Variants in SYT1 observed in about 807,000 individuals in gnomAD.
SYT1 encodes the protein synaptotagmin-1.
In SYT1, 8 loss-of-function variants were observed where a neutral mutation model predicts 44.8. That is an observed-to-expected ratio of 0.18 (90% CI 0.10 to 0.32). The LOEUF (loss-of-function observed/expected upper bound fraction) is 0.32. Ranked by LOEUF, SYT1 falls within the 10% of genes least tolerant of loss-of-function variation. The pLI is 1.00. For synonymous variants in SYT1, 154 were observed against 188.8 expected, an observed-to-expected ratio of 0.82 and a Z score of 1.51; for missense variants, 286 against 509.3, an observed-to-expected ratio of 0.56 and a Z score of 4.22.
chr12:79,305,625 A>G (rs748526478), intron 8 of SYT1, among the ~76,000 whole-genome samples: 1 of 152,186 alleles, frequency 6.6e-6, no homozygotes, highest in Admixed American at 6.6e-5. Context: ...GAGACCCAGG[A>G]AAGTTTAAGT....
intron 2 of SYT1, among the ~76,000 whole-genome samples, chr12:78,991,831 G>A (rs1169657784): frequency 6.6e-6 from 1 of 152,038 alleles, no homozygotes; most frequent in Admixed American, 6.6e-5. Context: ...TACTCTTTTT[G>A]TGGATAAGTA....
intron 9 of SYT1, among the ~76,000 whole-genome samples, chr12:79,381,730 A>G (rs1884231894): frequency 6.6e-6 from 1 of 152,206 alleles, no homozygotes; most frequent in Admixed American, 6.5e-5. Context: ...ATTGCGTGGA[A>G]GCAAGCTGAT....
intron 2 of SYT1, among the ~76,000 whole-genome samples, chr12:79,021,107 A>C (rs1382335795): frequency 6.6e-6 from 1 of 151,914 alleles, no homozygotes; most frequent in African/African-American, 2.4e-5. Flanking sequence ...AAGAAAACCA[A>C]ACTGAAGCAA....
At chr12:78,958,669 T>C (rs1879342601) in intron 1 of SYT1, among the ~76,000 whole-genome samples, 1 of 151,390 alleles carries the variant, frequency 6.6e-6, no homozygotes, top group Admixed American at 6.6e-5. Flanking sequence ...CACTCCAGCC[T>C]GGGTGACAAA....
At chr12:79,124,579 TATCATC>T (rs374558194) in intron 3 of SYT1, among the ~76,000 whole-genome samples, 2 of 151,140 alleles carry the variant, frequency 1.3e-5, no homozygotes, top group African/African-American at 2.4e-5. Flanking sequence ...CCATCACCAT[TATCATC>T]ATCATCATCA....
intron 8 of SYT1, among the ~76,000 whole-genome samples, chr12:79,317,570 A>C (rs1881153472): frequency 6.6e-6 from 1 of 152,186 alleles, no homozygotes; most frequent in Non-Finnish European, 1.5e-5. Flanking sequence ...AACCCGGGGC[A>C]CACAAACCCA....
chr12:79,105,603 G>A (rs931625177), intron 3 of SYT1, among the ~76,000 whole-genome samples: 3 of 152,180 alleles, frequency 2.0e-5, no homozygotes, highest in Non-Finnish European at 4.4e-5. Context: ...CAGTTTGGCC[G>A]GGCGTGGTGG....
intron 2 of SYT1, among the ~76,000 whole-genome samples, chr12:79,040,176 C>T (rs1216916729): frequency 7.9e-5 from 12 of 151,582 alleles, no homozygotes; most frequent in East Asian, 2.0e-4. Context: ...TTTCTAGTTC[C>T]AGATCCCTGA....
At chr12:79,189,412 A>G (rs1872984358) in intron 3 of SYT1, among the ~76,000 whole-genome samples, 1 of 152,190 alleles carries the variant, frequency 6.6e-6, no homozygotes, top group Non-Finnish European at 1.5e-5. Flanking sequence ...ATTCAGAGGT[A>G]TGTTCAAGTC....
intron 8 of SYT1, among the ~76,000 whole-genome samples, chr12:79,299,995 A>G (rs549654003): frequency 1.3e-5 from 2 of 152,294 alleles, no homozygotes; most frequent in African/African-American, 4.8e-5. Flanking sequence ...TGCATATCAC[A>G]GACAGTTCAT....
intron 3 of SYT1, among the ~76,000 whole-genome samples, chr12:79,108,060 A>G (rs1311410920): frequency 2.0e-5 from 3 of 152,036 alleles, no homozygotes; most frequent in Non-Finnish European, 4.4e-5. Context: ...TGGAACAATC[A>G]AAGTAGAAAG....
intron 4 of SYT1, among the ~76,000 whole-genome samples, chr12:79,269,695 T>TAC (rs113612431): frequency 0.02 from 2,971 of 150,158 alleles, 52 homozygotes; most frequent in African/African-American, 0.053. Context: ...TATGAAAAAG[T>TAC]ACACACACAC....
At chr12:79,154,630 G>C (rs1163389198) in intron 3 of SYT1, among the ~76,000 whole-genome samples, 6 of 152,104 alleles carry the variant, frequency 3.9e-5, no homozygotes, top group Admixed American at 3.9e-4. Context: ...CCTGTAGAGT[G>C]AAGCATTTAG....
intron 5 of SYT1, among the ~76,000 whole-genome samples, chr12:79,286,489 A>C (rs1188116366): frequency 6.6e-6 from 1 of 152,198 alleles, no homozygotes. Context: ...GAAGGGAGAG[A>C]AATATGAGCC....
chr12:79,212,391 A>G (rs1874512185), intron 3 of SYT1, among the ~76,000 whole-genome samples: 1 of 152,058 alleles, frequency 6.6e-6, no homozygotes, highest in Non-Finnish European at 1.5e-5. Flanking sequence ...GGAGAGCATT[A>G]GGACAAATAC....
At chr12:79,399,827 G>T (rs1885009827) in intron 9 of SYT1, among the ~76,000 whole-genome samples, 1 of 152,144 alleles carries the variant, frequency 6.6e-6, no homozygotes, top group South Asian at 2.1e-4. Context: ...TGACCTTGCT[G>T]GTATAGGGCC....
At chr12:79,390,213 G>A (rs574737480) in intron 9 of SYT1, among the ~76,000 whole-genome samples, 14 of 152,230 alleles carry the variant, frequency 9.2e-5, no homozygotes, top group African/African-American at 1.9e-4. Context: ...GATTACAGGC[G>A]TGAACCACCG....
chr12:79,255,455 G>A (rs979387498), intron 4 of SYT1, among the ~76,000 whole-genome samples: 11 of 152,192 alleles, frequency 7.2e-5, no homozygotes, highest in African/African-American at 2.7e-4. Flanking sequence ...AAAAATTCAT[G>A]TGACTCACTT....
chr12:78,974,677 C>T (rs1868685273), intron 1 of SYT1, among the ~76,000 whole-genome samples: 1 of 152,072 alleles, frequency 6.6e-6, no homozygotes, highest in Non-Finnish European at 1.5e-5. Flanking sequence ...ACCTCGTGAT[C>T]CGCCCGCCTC....
Sources: allele counts gnomAD v4.1 joint callset (sites outside exome capture counted in the v4.1 genomes callset), GRCh38; gene constraint gnomAD v4.1.1; transcripts MANE v1.5; gene names NCBI Gene and HGNC (gene_info 2026-07-23, HGNC 2026-07-21).